EIF4E2: variants seen among roughly 807,000 people sequenced by gnomAD.
The protein encoded by EIF4E2 is eukaryotic translation initiation factor 4E family member 2, also known as eukaryotic translation initiation factor 4E type 2.
In EIF4E2, 13 loss-of-function variants were observed where a neutral mutation model predicts 34.2. The ratio of observed to expected loss-of-function variants is 0.38; its 90% CI spans 0.25 to 0.60. The LOEUF (loss-of-function observed/expected upper bound fraction) is 0.60, where lower values mean the gene tolerates loss of function less well. EIF4E2 is among the 20% of genes least tolerant of loss of function. The pLI, the probability that EIF4E2 is intolerant of heterozygous loss-of-function variation, is 0.62. For synonymous variants in EIF4E2, 100 were observed against 106.6 expected, an observed-to-expected ratio of 0.94 and a Z score of 0.38; for missense variants, 222 against 315.1, an observed-to-expected ratio of 0.70 and a Z score of 2.24.
intron 6 of EIF4E2, 77 bp downstream of exon 6, chr2:232,567,291 A>G (rs1574671337): frequency 1.3e-6 from 2 of 1,588,000 alleles, no homozygotes; most frequent in Middle Eastern, 3.5e-4. Context: ...CCAGAGGAAT[A>G]TGGCCGGACA....
At chr2:232,580,792 A>T in intron 6 of EIF4E2, 1 of 925,700 alleles carries the variant, frequency 1.1e-6, no homozygotes, top group South Asian at 1.7e-5. Context: ...GCCCCGGGAT[A>T]TGTCATGGAG....
chr2:232,550,718 CGA>C lies in EIF4E2; in HGVS notation c.-3_-2del, dbSNP rs1324865011. On this transcript the variant is annotated 5_prime_UTR_variant, in exon 1 of 7. Coordinates refer to ENST00000258416, the MANE Select transcript of EIF4E2 (RefSeq NM_004846.4). ...CCTGAGGCAGTGGCGACAGCGGCGG[CGA>C]GAGGATGAACAACAAGTTCGACGCG... is the stretch of plus-strand genomic sequence containing the variant. The C allele has an allele frequency of 1.3e-6, 2 of 1,584,650 alleles. No homozygotes were observed. Among genetic ancestry groups the C allele is most frequent in the Admixed American group, 3.6e-5 (2 of 56,194 alleles).
chr2:232,574,316 C>T, intron 6 of EIF4E2: 2 of 1,550,550 alleles, frequency 1.3e-6, no homozygotes, highest in Non-Finnish European at 1.7e-6. Flanking sequence ...TGATCGGACG[C>T]TCCCCCTCTG....
chr2:232,555,597 C>T (rs145633808), intron 1 of EIF4E2, among the ~76,000 whole-genome samples: 1 of 152,126 alleles, frequency 6.6e-6, no homozygotes, highest in Non-Finnish European at 1.5e-5. Context: ...ACATCTTGCC[C>T]TGGGTGCTGG....
intron 6 of EIF4E2, among the ~76,000 whole-genome samples, chr2:232,577,745 T>C (rs888830298): frequency 6.6e-6 from 1 of 152,196 alleles, no homozygotes; most frequent in Non-Finnish European, 1.5e-5. Context: ...TTTTTTTTCT[T>C]CCAGCATTGT....
chr2:232,566,755 G>T lies in EIF4E2; in HGVS notation c.376-74G>T. ...CTTCTTAGTGTTTAAGAGATTCTTGGCTTTTTACTGCCTTCATACAAAAAA... is the reference window on the plus strand; with the variant it reads ...CTTCTTAGTGTTTAAGAGATTCTTGTCTTTTTACTGCCTTCATACAAAAAA... On this transcript the variant is annotated intron_variant, in intron 4 of 6. Coordinates refer to ENST00000258416, the MANE Select transcript of EIF4E2 (RefSeq NM_004846.4). This position sits in a 1 kb window ranked among gnomAD's most constrained non-coding sequence, Gnocchi z 4.9. The T allele has an allele frequency of 6.4e-7, 1 of 1,556,654 alleles. No homozygotes were observed. The highest frequency in any genetic ancestry group is 8.8e-7 in the Non-Finnish European group (1 of 1,140,444).
chr2:232,556,538 T>C lies in EIF4E2; in HGVS notation c.135+8T>C. On this transcript the variant is annotated splice_region_variant and intron_variant, in intron 2 of 6. Transcript: ENST00000258416. ...AGCAGTAGCAAGAGAAAGGTGAGTGTTGGCTGCACAGATGTAGTTGCCTTT... is the reference window on the plus strand; with the variant it reads ...AGCAGTAGCAAGAGAAAGGTGAGTGCTGGCTGCACAGATGTAGTTGCCTTT... The C allele has an allele frequency of 6.3e-7, 1 of 1,591,226 alleles. No individual in the cohort carries two copies. Among genetic ancestry groups the C allele is most frequent in the Non-Finnish European group, 8.6e-7 (1 of 1,162,836 alleles).
downstream of EIF4E2, among the ~76,000 whole-genome samples, chr2:232,569,535 A>G (rs563309144): frequency 2.6e-5 from 4 of 152,328 alleles, no homozygotes; most frequent in South Asian, 8.3e-4. Context: ...CAGGTTGGAA[A>G]GGGGGATCCT....
intron 6 of EIF4E2, among the ~76,000 whole-genome samples, chr2:232,578,762 A>G (rs1693278207): frequency 6.6e-6 from 1 of 152,188 alleles, no homozygotes; most frequent in Admixed American, 6.5e-5. Flanking sequence ...TATGGTAATG[A>G]TTACCCTGAA....
At chr2:232,560,669 A>G (rs1416833867) in intron 3 of EIF4E2, among the ~76,000 whole-genome samples, 1 of 152,218 alleles carries the variant, frequency 6.6e-6, no homozygotes, top group Non-Finnish European at 1.5e-5. Context: ...CAAGAAAGTG[A>G]AAAGATAGCC....
At chr2:232,563,912 C>T (rs1418831789) in intron 3 of EIF4E2, among the ~76,000 whole-genome samples, 1 of 152,226 alleles carries the variant, frequency 6.6e-6, no homozygotes, top group African/African-American at 2.4e-5. Context: ...GGTCCTCTTA[C>T]TGCATGTGAT....
exon 7 of EIF4E2, chr2:232,582,941 A>G (rs369326898): frequency 6.6e-6 from 1 of 152,198 alleles, no homozygotes; most frequent in African/African-American, 2.4e-5. Context: ...GGCTGGTTAG[A>G]GCAAGGGGTT....
chr2:232,552,197 G>A lies in EIF4E2; in HGVS notation c.20+1453G>A, dbSNP rs1034304665. On this transcript the variant is annotated intron_variant, in intron 1 of 6. Transcript: ENST00000258416. ...AATAATGGACTTCCACAGGGATCTT[G>A]CTAGGTATTTTTCATATATATATAT... Among the ~76,000 whole-genome samples the A allele has an allele frequency of 3.3e-5, 5 of 152,048 alleles. No homozygotes were observed. In the South Asian group the frequency reaches 1.0e-3, roughly 32 times the overall value.
rs973682223 is a variant in EIF4E2, at chr2:232,581,049, G to A, written c.*106G>A. Reference sequence around the variant, plus strand: ...CATTGCTCACTGAAGGGACGTCCCTGAGCCGTGCGCTCTCCTTTTGCACTC... The same window carrying A: ...CATTGCTCACTGAAGGGACGTCCCTAAGCCGTGCGCTCTCCTTTTGCACTC... On this transcript the variant is annotated 3_prime_UTR_variant, in exon 7 of 7. Transcript: ENST00000409098. The surrounding 1 kb of genome is among the most constrained non-coding windows in gnomAD (Gnocchi z 5.2). 3 of 1,125,646 alleles carry A rather than the reference G, an allele frequency of 2.7e-6. No individual in the cohort carries two copies. In the African/African-American group the frequency reaches 4.6e-5, roughly 17 times the overall value. 69.7% of individuals were successfully genotyped at this position (1,125,646 alleles called of 1,614,324 possible).
chr2:232,569,501 T>C (rs185326840), downstream of EIF4E2, among the ~76,000 whole-genome samples: 36 of 152,336 alleles, frequency 2.4e-4, no homozygotes, highest in African/African-American at 5.5e-4. Flanking sequence ...ATTTCTGATA[T>C]AGAATTCAGC....
At position 232,566,786 on chromosome 2, in the gene EIF4E2, G is replaced by A. The variant is rs75277007; in HGVS notation, c.376-43G>A. On this transcript the variant is annotated intron_variant, in intron 4 of 6. Coordinates refer to ENST00000258416, the MANE Select transcript of EIF4E2 (RefSeq NM_004846.4). The surrounding 1 kb of genome is among the most constrained non-coding windows in gnomAD (Gnocchi z 4.9). Reference sequence around the variant, plus strand: ...TACTGCCTTCATACAAAAAAAGGCTGTGAAACCATATTTTAACTTCAGTGC... The same window carrying A: ...TACTGCCTTCATACAAAAAAAGGCTATGAAACCATATTTTAACTTCAGTGC... The A allele has an allele frequency of 0.012, 18,993 of 1,611,054 alleles. 802 individuals are homozygous for A. The highest frequency in any genetic ancestry group is 0.12 in the African/African-American group (8,812 of 74,784).
chr2:232,563,383 C>CT (rs77718119), intron 3 of EIF4E2, among the ~76,000 whole-genome samples: 45,024 of 147,486 alleles, frequency 0.31, 7,272 homozygotes, highest in Admixed American at 0.41. Context: ...GACCCTGTCT[C>CT]TTTTTTTTTT....
At chr2:232,553,607 TG>T (rs1226980799) in intron 1 of EIF4E2, among the ~76,000 whole-genome samples, 3 of 152,196 alleles carry the variant, frequency 2.0e-5, no homozygotes, top group African/African-American at 7.2e-5. Flanking sequence ...TAGGGAGCAC[TG>T]ATTTTTCAGT....
intron 6 of EIF4E2, among the ~76,000 whole-genome samples, chr2:232,576,202 C>CAAAA (rs34773569): frequency 6.8e-6 from 1 of 147,806 alleles, no homozygotes. Context: ...GACTCCATCT[C>CAAAA]AAAAAAAAAA....
Sources: gnomAD v4.1 joint callset for allele counts (sites outside exome capture counted in the v4.1 genomes callset) on GRCh38, gnomAD v4.1.1 for gene constraint, Gnocchi (gnomAD v3.1) non-coding constraint, MANE v1.5 for transcripts, NCBI Gene and HGNC (gene_info 2026-07-23, HGNC 2026-07-21) for gene names.